Variants in APP observed in about 807,000 individuals in gnomAD.
APP encodes the protein amyloid-beta precursor protein.
A neutral mutation model predicts 101.4 loss-of-function variants in APP; 31 were observed. The observed-to-expected ratio is 0.31, with a 90% CI of 0.23 to 0.41. The LOEUF (loss-of-function observed/expected upper bound fraction) is 0.41. APP is among the 10% of genes least tolerant of loss of function. The probability of loss-of-function intolerance (pLI) is 1.00; values close to 1 mark genes in which losing one functional copy is unlikely to be tolerated. For missense variants in APP, 839 were observed against 1,003.7 expected, an observed-to-expected ratio of 0.84 and a Z score of 2.22; for synonymous variants, 366 against 364.4, an observed-to-expected ratio of 1.00 and a Z score of -0.05.
intron 8 of APP, among the ~76,000 whole-genome samples, chr21:25,988,615 T>C (rs1194601000): frequency 3.3e-5 from 5 of 149,562 alleles, no homozygotes; most frequent in African/African-American, 1.2e-4. Flanking sequence ...GGCAGGAGAA[T>C]TGCTTGAACC....
At chr21:25,959,632 A>G (rs192336291) in intron 11 of APP, among the ~76,000 whole-genome samples, 59 of 152,338 alleles carry the variant, frequency 3.9e-4, no homozygotes, top group African/African-American at 1.3e-3. Flanking sequence ...TTACTGTCCT[A>G]GGTTTCTGGA....
chr21:26,082,656 TCTC>T (rs1418454198), intron 3 of APP, among the ~76,000 whole-genome samples: 1 of 152,146 alleles, frequency 6.6e-6, no homozygotes, highest in African/African-American at 2.4e-5. Context: ...CTAAAATACA[TCTC>T]CTTTCTTGCC....
intron 13 of APP, among the ~76,000 whole-genome samples, chr21:25,953,110 TA>T (rs969866696): frequency 0.13 from 46 of 358 alleles, no homozygotes; most frequent in Admixed American, 0.2. Flanking sequence ...TCTTCTTTTT[TA>T]AATTAGAGAG....
At chr21:26,053,426 T>C (rs549122636) in intron 3 of APP, 78 bp from the exon 4 acceptor site, 15 of 1,082,828 alleles carry the variant, frequency 1.4e-5, no homozygotes, top group Admixed American at 5.1e-5. Context: ...CAAGGAAAGA[T>C]AGACTTCAAG....
At chr21:26,145,290 T>C (rs1351816165) in intron 1 of APP, among the ~76,000 whole-genome samples, 3 of 152,068 alleles carry the variant, frequency 2.0e-5, no homozygotes, top group South Asian at 2.1e-4. Context: ...CATTTATCCA[T>C]GGGGTGTTGG....
chr21:25,899,369 C>T (rs561248649), intron 15 of APP, among the ~76,000 whole-genome samples: 6 of 152,120 alleles, frequency 3.9e-5, no homozygotes, highest in Non-Finnish European at 5.9e-5. Flanking sequence ...TCCCTTCCTT[C>T]GAATGTGGTC....
chr21:25,908,357 A>G (rs1034079257), intron 14 of APP, among the ~76,000 whole-genome samples: 2 of 152,254 alleles, frequency 1.3e-5, no homozygotes, highest in Non-Finnish European at 2.9e-5. Flanking sequence ...TCTGGATTTC[A>G]CTGATTGTTC....
intron 2 of APP, among the ~76,000 whole-genome samples, chr21:26,099,214 C>A (rs957462774): frequency 3.6e-4 from 54 of 150,766 alleles, no homozygotes; most frequent in African/African-American, 1.2e-3. Context: ...ATGACTGCAG[C>A]TAGCATATAT....
At chr21:25,904,993 C>T (rs201706747) in intron 15 of APP, 31 bp downstream of exon 15, 11 of 1,605,724 alleles carry the variant, frequency 6.9e-6, no homozygotes, top group African/African-American at 4.0e-5. Context: ...GCCCAAGATG[C>T]GGAGAGGCAC....
At chr21:26,165,985 T>C (rs1228881515) in intron 1 of APP, among the ~76,000 whole-genome samples, 1 of 152,196 alleles carries the variant, frequency 6.6e-6, no homozygotes, top group Non-Finnish European at 1.5e-5. Flanking sequence ...TTTCTACTTC[T>C]GAAGAGGTAC....
chr21:26,136,543 T>G (rs1300505015), intron 1 of APP, among the ~76,000 whole-genome samples: 1 of 152,230 alleles, frequency 6.6e-6, no homozygotes, highest in Non-Finnish European at 1.5e-5. Context: ...AGAATTCATC[T>G]TTGGTAACCA....
chr21:25,896,716 A>G (rs962430961), intron 16 of APP, among the ~76,000 whole-genome samples: 2 of 152,162 alleles, frequency 1.3e-5, no homozygotes, highest in Non-Finnish European at 1.5e-5. Context: ...AGGGGGGAAA[A>G]GTGATTTCAT....
rs189900774 is a variant in APP, at chr21:26,082,951, T to G, written c.355+6992A>C. 2.8e-4 allele frequency among the ~76,000 whole-genome samples: 42 copies of G among 152,324 alleles called. 1 individual carries two copies. Among genetic ancestry groups the G allele is most frequent in the Admixed American group, 2.2e-3 (33 of 15,298 alleles). On this transcript the variant is annotated intron_variant, in intron 3 of 17. Coordinates refer to ENST00000346798, the MANE Select transcript of APP (RefSeq NM_000484.4). The stretch of plus-strand genomic sequence containing the variant: ...AGGTGGAAATTTGGAAAAGCAATAT[T>G]TAAAATTGTTTAAATAGATTTAAAT...
At chr21:25,943,390 G>T (rs2040661881) in intron 13 of APP, among the ~76,000 whole-genome samples, 2 of 150,854 alleles carry the variant, frequency 1.3e-5, no homozygotes, top group Non-Finnish European at 2.9e-5. Flanking sequence ...GACCTCAGGT[G>T]ATCTGCCCAC....
chr21:25,924,712 G>A (rs150063239), intron 13 of APP, among the ~76,000 whole-genome samples: 4,786 of 151,652 alleles, frequency 0.032, 104 homozygotes, highest in South Asian at 0.049. Flanking sequence ...AAACCACCAA[G>A]GCACATGTAT....
At chr21:26,017,143 G>A (rs1241260298) in intron 6 of APP, among the ~76,000 whole-genome samples, 2 of 132,678 alleles carry the variant, frequency 1.5e-5, no homozygotes, top group African/African-American at 5.7e-5. Flanking sequence ...AGCTTGCAGT[G>A]AGCCAAGATC....
At chr21:26,085,758 G>C (rs2061690502) in intron 3 of APP, among the ~76,000 whole-genome samples, 1 of 152,080 alleles carries the variant, frequency 6.6e-6, no homozygotes, top group South Asian at 2.1e-4. Context: ...TTGATACAAA[G>C]GCAGCCAAGA....
At chr21:26,006,491 C>T (rs1015038837) in intron 6 of APP, among the ~76,000 whole-genome samples, 3 of 152,140 alleles carry the variant, frequency 2.0e-5, no homozygotes, top group African/African-American at 7.2e-5. Context: ...GATTTGTGCT[C>T]GTGTCAACGC....
rs777948147 is a variant in APP at position 25,903,077 on chromosome 21, A to T, written c.1963+1947T>A. Among the ~76,000 whole-genome samples, 72 of 69,210 alleles carry T rather than the reference A, an allele frequency of 1.0e-3. 1 individual carries two copies. Among genetic ancestry groups the T allele is most frequent in the Admixed American group, 2.1e-3 (11 of 5,134 alleles). The allele number at this position is 69,210 out of a possible 152,430, so 45.4% of individuals were successfully genotyped here. On this transcript the variant is annotated intron_variant, in intron 15 of 17. Coordinates refer to ENST00000346798, the MANE Select transcript of APP (RefSeq NM_000484.4). ...ATTTAGATTAAAAAAAATTTTTTTT[A>T]AAAGAATAGGCCGGGCATGGTGCTT...
Sources: gnomAD v4.1 joint callset for allele counts (sites outside exome capture counted in the v4.1 genomes callset) on GRCh38, gnomAD v4.1.1 for gene constraint, MANE v1.5 for transcripts, NCBI Gene and HGNC (gene_info 2026-07-23, HGNC 2026-07-21) for gene names.